The following CPXM2 variants were observed in gnomAD, a reference collection of about 807,000 sequenced individuals.
CPXM2 encodes the protein inactive carboxypeptidase-like protein X2.
CPXM2 carries 66 observed loss-of-function variants against 86.1 expected under a neutral mutation model. The ratio of observed to expected loss-of-function variants is 0.77; its 90% CI spans 0.63 to 0.94. The LOEUF (loss-of-function observed/expected upper bound fraction) is 0.94, where lower values mean the gene tolerates loss of function less well. Among genes scored for constraint, CPXM2 ranks in the 40% least tolerant of loss-of-function variants. The pLI is 0.00. For synonymous variants in CPXM2, 388 were observed against 400.2 expected (o/e 0.97, Z 0.36); for missense variants, 948 against 1,026.3 (o/e 0.92, Z 1.04).
chr10:123,756,812 G>A (rs1421132965), intron 12 of CPXM2, among the ~76,000 whole-genome samples: 3 of 152,224 alleles, frequency 2.0e-5, no homozygotes, highest in South Asian at 4.1e-4. Flanking sequence ...CGAGGACACC[G>A]ACCCTGTGGA....
chr10:123,817,839 G>A (rs918040092), intron 4 of CPXM2, among the ~76,000 whole-genome samples: 9 of 152,202 alleles, frequency 5.9e-5, no homozygotes, highest in East Asian at 1.9e-4. Flanking sequence ...GCTACAGCAC[G>A]ACAGCACCTT....
At chr10:123,807,386 A>G (rs1204319915) in intron 4 of CPXM2, among the ~76,000 whole-genome samples, 1 of 152,192 alleles carries the variant, frequency 6.6e-6, no homozygotes, top group African/African-American at 2.4e-5. Context: ...GCCCATCTGT[A>G]TGATGTTGTG....
intron 2 of CPXM2, among the ~76,000 whole-genome samples, chr10:123,920,358 T>C (rs1003695795): frequency 2.0e-5 from 3 of 151,884 alleles, no homozygotes; most frequent in African/African-American, 7.3e-5. Flanking sequence ...TTATCACCAG[T>C]AGTTATAAAT....
At chr10:123,933,592 C>T (rs182855026) in intron 2 of CPXM2, among the ~76,000 whole-genome samples, 4 of 152,228 alleles carry the variant, frequency 2.6e-5, no homozygotes, top group African/African-American at 9.6e-5. Flanking sequence ...GTGGCATATG[C>T]CTGTAATCCC....
intron 4 of CPXM2, among the ~76,000 whole-genome samples, chr10:123,817,476 C>T (rs181551665): frequency 6.6e-6 from 1 of 152,284 alleles, no homozygotes; most frequent in African/African-American, 2.4e-5. Flanking sequence ...GTAAACTGAA[C>T]ATTTGTCTAT....
intron 2 of CPXM2, among the ~76,000 whole-genome samples, chr10:123,903,768 C>T (rs1945406292): frequency 6.6e-6 from 1 of 152,260 alleles, no homozygotes; most frequent in Non-Finnish European, 1.5e-5. Context: ...TACAACAGAT[C>T]TCGTTCTCAA....
chr10:123,823,194 G>A (rs1002200722), intron 4 of CPXM2, among the ~76,000 whole-genome samples: 1 of 152,182 alleles, frequency 6.6e-6, no homozygotes, highest in Non-Finnish European at 1.5e-5. Flanking sequence ...AAAACAGAGA[G>A]CTGTAGGAGC....
chr10:123,874,874 G>T (rs533623803), intron 2 of CPXM2, among the ~76,000 whole-genome samples: 3 of 152,308 alleles, frequency 2.0e-5, no homozygotes, highest in African/African-American at 7.2e-5. Flanking sequence ...TGATACAAAT[G>T]AATGAAATTT....
chr10:123,930,010 GC>G (rs1485506506), intron 2 of CPXM2, among the ~76,000 whole-genome samples: 2 of 152,190 alleles, frequency 1.3e-5, no homozygotes, highest in Admixed American at 6.5e-5. Context: ...GGGCGTGGCT[GC>G]CCAGCCCGTC....
rs184332509 is a variant in CPXM2, at chr10:123,791,004, C to T, written c.889+6972G>A. On this transcript the variant is annotated intron_variant, in intron 6 of 13. Coordinates refer to ENST00000241305, the MANE Select transcript of CPXM2 (RefSeq NM_198148.3). ...AGAGAATGGAAGGTACGGTGGGAGA[C>T]AGTAAGTTAAAGCCACATCATCAGG... 1.3e-3 allele frequency among the ~76,000 whole-genome samples: 196 copies of T among 152,210 alleles called. 1 individual carries two copies. The highest frequency in any genetic ancestry group is 4.1e-3 in the African/African-American group (172 of 41,534).
intron 13 of CPXM2, chr10:123,751,192 A>G (rs773636929): frequency 1.1e-5 from 3 of 267,346 alleles, no homozygotes; most frequent in Non-Finnish European, 1.7e-5. Context: ...ACGAGAGTGC[A>G]GCACCCATAA....
At chr10:123,886,588 C>T (rs1479924969) in intron 1 of CPXM2, among the ~76,000 whole-genome samples, 1 of 152,150 alleles carries the variant, frequency 6.6e-6, no homozygotes, top group Non-Finnish European at 1.5e-5. Flanking sequence ...AAGACTATGG[C>T]GATGATGTGG....
intron 11 of CPXM2, among the ~76,000 whole-genome samples, chr10:123,761,305 T>C (rs1243837241): frequency 2.0e-5 from 3 of 152,206 alleles, no homozygotes; most frequent in Admixed American, 1.3e-4. Context: ...GGAACCGTCC[T>C]CACCACAGGT....
At chr10:123,816,001 GGT>G (rs1173623339) in intron 4 of CPXM2, among the ~76,000 whole-genome samples, 1 of 152,114 alleles carries the variant, frequency 6.6e-6, no homozygotes, top group African/African-American at 2.4e-5. Context: ...TTATTTGCTT[GGT>G]TAGCTGAAAT....
intron 10 of CPXM2, 86 bp downstream of exon 10, chr10:123,766,887 T>C: frequency 9.0e-7 from 1 of 1,109,506 alleles, no homozygotes; most frequent in Non-Finnish European, 1.3e-6. Context: ...TTTGTCTCTT[T>C]CTTAAATGTG....
intron 6 of CPXM2, among the ~76,000 whole-genome samples, chr10:123,785,386 T>A (rs542307943): frequency 6.6e-6 from 1 of 152,198 alleles, no homozygotes; most frequent in Non-Finnish European, 1.5e-5. Flanking sequence ...CACTCTATTT[T>A]ATCTGTTGCT....
chr10:123,779,976 A>G (rs1846894649), intron 7 of CPXM2, among the ~76,000 whole-genome samples, 191 bp downstream of exon 7: 2 of 152,220 alleles, frequency 1.3e-5, no homozygotes, highest in Admixed American at 1.3e-4. Context: ...GCCAGCCAGG[A>G]AGCCTTCCTC....
At chr10:123,760,147 T>C (rs1413216377) in intron 11 of CPXM2, among the ~76,000 whole-genome samples, 1 of 152,036 alleles carries the variant, frequency 6.6e-6, no homozygotes, top group African/African-American at 2.4e-5. Context: ...AGAAAAAAAA[T>C]CAAACGCTAC....
In CPXM2 at chr10:123,761,919, T is replaced by C. The variant is rs112981683; in HGVS notation, c.1730A>G (p.Lys577Arg). 2.9e-3 allele frequency: 4,672 copies of C among 1,613,896 alleles called. 108 individuals are homozygous for C. In the African/African-American group the frequency reaches 0.054, roughly 19 times the overall value. ...RRVCHTEDFQKEEGTVNGASW... is the reference protein window; with the variant it reads ...RRVCHTEDFQREEGTVNGASW... Reference sequence around the variant, plus strand: ...GGCCCCATTGACAGTGCCCTCCTCCTTCTGGAAGTCCTCCGTGTGGCACAC... The same window carrying C: ...GGCCCCATTGACAGTGCCCTCCTCCCTCTGGAAGTCCTCCGTGTGGCACAC... The change falls in exon 11 of 14, where the codon AAG (lysine) becomes AGG (arginine). Residue 577 changes from lysine to arginine, a missense_variant. Lys to Arg is a conservative substitution (Grantham distance 26). Coordinates refer to ENST00000241305, the MANE Select transcript of CPXM2 (RefSeq NM_198148.3).
Sources: allele counts gnomAD v4.1 joint callset (sites outside exome capture counted in the v4.1 genomes callset), GRCh38; gene constraint gnomAD v4.1.1; transcripts MANE v1.5; gene names NCBI Gene and HGNC (gene_info 2026-07-23, HGNC 2026-07-21).